The following MSRB2 variants were observed in gnomAD, a reference collection of about 807,000 sequenced individuals.
MSRB2 encodes the protein methionine sulfoxide reductase B2, also known as methionine-R-sulfoxide reductase B2, mitochondrial.
MSRB2 carries 17 observed loss-of-function variants against 19.0 expected under a neutral mutation model. The observed-to-expected ratio is 0.89, with a 90% confidence interval of 0.61 to 1.34. The LOEUF (loss-of-function observed/expected upper bound fraction) is 1.34, where lower values mean the gene tolerates loss of function less well. Among genes scored for constraint, MSRB2 ranks in the 40% most tolerant of loss-of-function variants. The pLI, the probability that MSRB2 is intolerant of heterozygous loss-of-function variation, is 0.00. For missense variants in MSRB2, 208 were observed against 237.6 expected (o/e 0.88, Z 0.82); for synonymous variants, 107 against 99.7 (o/e 1.07, Z -0.44).
At chr10:23,114,199 A>G (rs1840085343) in intron 3 of MSRB2, among the ~76,000 whole-genome samples, 1 of 151,928 alleles carries the variant, frequency 6.6e-6, no homozygotes, top group African/African-American at 2.4e-5. Flanking sequence ...AAAATACAAA[A>G]ACTAGTTGGG....
In MSRB2 at chr10:23,098,589, A is replaced by G. The variant is rs147556078; in HGVS notation, c.118+2863A>G. On this transcript the variant is annotated intron_variant, in intron 1 of 4. Coordinates refer to ENST00000376510, the MANE Select transcript of MSRB2 (RefSeq NM_012228.4). Reference sequence around the variant, plus strand: ...AATGTGTAGCCCCCAAAGGATGAGCACGTGGTGCAGAGGACAGAAAATACC... The same window carrying G: ...AATGTGTAGCCCCCAAAGGATGAGCGCGTGGTGCAGAGGACAGAAAATACC... 5.7e-4 allele frequency among the ~76,000 whole-genome samples: 87 copies of G among 152,366 alleles called. 2 individuals are homozygous for G. The East Asian group carries it at 0.016, about 28-fold the overall frequency.
At chr10:23,116,342 G>C (rs1840109999) in intron 3 of MSRB2, among the ~76,000 whole-genome samples, 1 of 152,186 alleles carries the variant, frequency 6.6e-6, no homozygotes, top group Non-Finnish European at 1.5e-5. Flanking sequence ...GCACTTGGAA[G>C]GGGGAGCAGC....
chr10:23,119,302 A>G lies in MSRB2; in HGVS notation c.297-2A>G. 1 of 1,613,832 alleles carries G rather than the reference A, an allele frequency of 6.2e-7. No individual in the cohort carries two copies. The highest frequency in any genetic ancestry group is 8.5e-7 in the Non-Finnish European group (1 of 1,179,818). The stretch of plus-strand genomic sequence containing the variant: ...CTGTAGTATCGTTTATGTCTTCCAC[A>G]GTTCTGAGAAAAAGTACTGCTCTGG... On this transcript the variant is annotated splice_acceptor_variant, in intron 3 of 4. Coordinates refer to ENST00000376510, the MANE Select transcript of MSRB2 (RefSeq NM_012228.4). LOFTEE classifies it high-confidence loss of function.
chr10:23,120,157 C>T (rs1274267141), intron 4 of MSRB2, among the ~76,000 whole-genome samples: 1 of 152,194 alleles, frequency 6.6e-6, no homozygotes, highest in Non-Finnish European at 1.5e-5. Flanking sequence ...ATCTCTCCAC[C>T]CTCCTTTTGC....
intron 3 of MSRB2, among the ~76,000 whole-genome samples, chr10:23,115,862 A>C (rs894324479): frequency 9.8e-5 from 15 of 152,330 alleles, no homozygotes; most frequent in Admixed American, 5.2e-4. Flanking sequence ...TTATTTAAAA[A>C]ATTTTATTGT....
At chr10:23,115,045 C>G (rs1199607747) in intron 3 of MSRB2, among the ~76,000 whole-genome samples, 1 of 152,172 alleles carries the variant, frequency 6.6e-6, no homozygotes, top group Non-Finnish European at 1.5e-5. Flanking sequence ...ATCCACCAGA[C>G]TTAGCGTCAT....
intron 3 of MSRB2, among the ~76,000 whole-genome samples, chr10:23,110,624 GT>G (rs11292798): frequency 0.66 from 97,289 of 147,850 alleles, 31,940 homozygotes; most frequent in Middle Eastern, 0.72. Context: ...AGCTATTAGA[GT>G]TTTTTTTTTT....
intron 3 of MSRB2, among the ~76,000 whole-genome samples, chr10:23,113,685 G>T (rs985206254): frequency 6.6e-6 from 1 of 152,162 alleles, no homozygotes; most frequent in African/African-American, 2.4e-5. Flanking sequence ...GATCATATTG[G>T]AGTAGGGTCA....
chr10:23,105,082 TGG>T (rs1839970870), intron 2 of MSRB2, among the ~76,000 whole-genome samples: 1 of 152,310 alleles, frequency 6.6e-6, no homozygotes, highest in South Asian at 2.1e-4. Flanking sequence ...GGGTAAGAGG[TGG>T]AAACATTATT....
chr10:23,112,656 T>A (rs1840069090), intron 3 of MSRB2, among the ~76,000 whole-genome samples: 1 of 152,230 alleles, frequency 6.6e-6, no homozygotes, highest in Non-Finnish European at 1.5e-5. Flanking sequence ...TGGCGCGATC[T>A]CGGCTCACTG....
At chr10:23,103,753 C>T (rs192284658) in intron 1 of MSRB2, among the ~76,000 whole-genome samples, 1 of 152,240 alleles carries the variant, frequency 6.6e-6, no homozygotes, top group East Asian at 1.9e-4. Context: ...TCTTTTCTGC[C>T]CAATGCCTCA....
In MSRB2 at chr10:23,095,672, C is replaced by A; in HGVS notation, c.64C>A (p.Arg22=). 7.5e-7 allele frequency: 1 copy of A among 1,333,130 alleles called. No individual in the cohort carries two copies. Among genetic ancestry groups the A allele is most frequent in the Non-Finnish European group, 9.5e-7 (1 of 1,050,848 alleles). The allele number at this position is 1,333,130 out of a possible 1,614,324, so 82.6% of individuals were successfully genotyped here. Residue 22 remains arginine (R), a synonymous_variant, in exon 1 of 5, where the codon CGG becomes AGG. Coordinates refer to ENST00000376510, the MANE Select transcript of MSRB2 (RefSeq NM_012228.4). ...CGGAACTGCGCCTCGGCGGGCGGTG[C>A]GGGGCCAAGCGGGCGGCGGCGGGCC... ...TLGTAPRRAV[R]GQAGGGGPGT... is the part of the protein sequence containing the mutation.
At chr10:23,103,475 C>G (rs1839947162) in intron 1 of MSRB2, among the ~76,000 whole-genome samples, 1 of 152,136 alleles carries the variant, frequency 6.6e-6, no homozygotes. Flanking sequence ...GCTCTAGTTA[C>G]TTGGTTTACA....
At chr10:23,098,202 T>C (rs1179619154) in intron 1 of MSRB2, among the ~76,000 whole-genome samples, 1 of 152,058 alleles carries the variant, frequency 6.6e-6, no homozygotes, top group Non-Finnish European at 1.5e-5. Context: ...TTCTAAAGAG[T>C]TCCATTAGAT....
intron 3 of MSRB2, among the ~76,000 whole-genome samples, chr10:23,114,786 G>T (rs910291991): frequency 2.6e-5 from 4 of 152,296 alleles, no homozygotes; most frequent in Middle Eastern, 3.4e-3. Flanking sequence ...CTTGTCCAGG[G>T]TTCTGCAGCT....
chr10:23,099,244 T>A (rs936848537), intron 1 of MSRB2, among the ~76,000 whole-genome samples: 1 of 152,214 alleles, frequency 6.6e-6, no homozygotes, highest in Admixed American at 6.5e-5. Flanking sequence ...AGCCCACATA[T>A]AACCTGACCT....
At chr10:23,109,404 G>A (rs181349840) in intron 2 of MSRB2, among the ~76,000 whole-genome samples, 113 of 152,198 alleles carry the variant, frequency 7.4e-4, no homozygotes, top group African/African-American at 2.6e-3. Flanking sequence ...TTAGCCAGGC[G>A]TGGTGGCGTG....
chr10:23,107,295 C>T (rs1407084043), intron 2 of MSRB2, among the ~76,000 whole-genome samples: 1 of 152,224 alleles, frequency 6.6e-6, no homozygotes, highest in Non-Finnish European at 1.5e-5. Context: ...AGCTGTTTGT[C>T]GTGATCTAAC....
chr10:23,104,895 C>T (rs148348027), intron 2 of MSRB2, among the ~76,000 whole-genome samples: 43 of 152,232 alleles, frequency 2.8e-4, no homozygotes, highest in African/African-American at 9.4e-4. Context: ...TTGTAGCTCT[C>T]GGCCCAAATC....
Sources: allele counts gnomAD v4.1 joint callset (sites outside exome capture counted in the v4.1 genomes callset), GRCh38; gene constraint gnomAD v4.1.1; transcripts MANE v1.5; gene names NCBI Gene and HGNC (gene_info 2026-07-23, HGNC 2026-07-21).